KCTD3: variants seen among roughly 807,000 people sequenced by gnomAD.
KCTD3 encodes the protein potassium channel tetramerization domain containing 3.
A neutral mutation model predicts 85.8 loss-of-function variants in KCTD3; 41 were observed. That is an observed-to-expected ratio of 0.48 (90% CI 0.37 to 0.62). KCTD3 has a LOEUF of 0.62. Among genes scored for constraint, KCTD3 ranks in the 20% least tolerant of loss-of-function variants. KCTD3 has a pLI of 0.00. For missense variants in KCTD3, 724 were observed against 989.9 expected, an observed-to-expected ratio of 0.73 and a Z score of 3.60; for synonymous variants, 338 against 345.4, an observed-to-expected ratio of 0.98 and a Z score of 0.24.
chr1:215,580,880 T>C, intron 8 of KCTD3: 1 of 393,288 alleles, frequency 2.5e-6, no homozygotes, highest in South Asian at 1.9e-5. Context: ...TATGAAAGGT[T>C]TGGCATGTCT....
At chr1:215,590,483 T>G (rs570409079) in intron 9 of KCTD3, among the ~76,000 whole-genome samples, 1 of 152,156 alleles carries the variant, frequency 6.6e-6, no homozygotes, top group African/African-American at 2.4e-5. Flanking sequence ...CCTTTTGAGC[T>G]TTCTAGATCA....
intron 4 of KCTD3, among the ~76,000 whole-genome samples, 175 bp downstream of exon 4, chr1:215,576,149 A>G (rs1001940298): frequency 6.6e-6 from 1 of 151,534 alleles, no homozygotes; most frequent in Non-Finnish European, 1.5e-5. Flanking sequence ...GCTCACTGCA[A>G]CCTCCGCCTT....
rs368718120 is a variant in KCTD3 at position 215,581,669 on chromosome 1, C to T, written c.626+1670C>T. On this transcript the variant is annotated intron_variant, in intron 8 of 17. Coordinates refer to ENST00000259154, the MANE Select transcript of KCTD3 (RefSeq NM_016121.5). ...ATGCTATTACATTTTCCAGTCTTTG[C>T]GTTTGCATTGATCACGATCTTTCTG... is the stretch of plus-strand genomic sequence containing the variant. Among the ~76,000 whole-genome samples the T allele has an allele frequency of 1.9e-4, 29 of 152,250 alleles. 1 individual carries two copies. The East Asian group carries it at 1.9e-3, about 10-fold the overall frequency.
intron 3 of KCTD3, among the ~76,000 whole-genome samples, chr1:215,574,840 C>T (rs773178275): frequency 9.9e-5 from 15 of 152,200 alleles, no homozygotes; most frequent in Non-Finnish European, 2.2e-4. Flanking sequence ...AGTTTTATTA[C>T]TGGCTGCCAT....
At chr1:215,602,058 A>C in intron 11 of KCTD3, 27 bp from the exon 12 acceptor site, 1 of 1,444,858 alleles carries the variant, frequency 6.9e-7, no homozygotes, top group South Asian at 1.2e-5. Context: ...ATTTATTTTA[A>C]TGCTGTTTAA....
chr1:215,574,681 G>A (rs1659504373), intron 3 of KCTD3, among the ~76,000 whole-genome samples: 1 of 152,122 alleles, frequency 6.6e-6, no homozygotes, highest in Non-Finnish European at 1.5e-5. Flanking sequence ...ATGTCCATGT[G>A]AAATTATAAA....
Position 215,602,070 on chromosome 1 carries a change from A to G in KCTD3, c.1022-15A>G, listed in dbSNP as rs1418346549. ...GCTATTTATTTTAATGCTGTTTAAA[A>G]TTTTTATGTTTTAGATATGCAGAAG... On this transcript the variant is annotated splice_polypyrimidine_tract_variant and intron_variant, in intron 11 of 17. Transcript: ENST00000259154. 6.6e-7 allele frequency: 1 copy of G among 1,520,622 alleles called. No homozygotes were observed. Among genetic ancestry groups the G allele is most frequent in the African/African-American group, 1.4e-5 (1 of 72,444 alleles). 94.2% of individuals were successfully genotyped at this position (1,520,622 alleles called of 1,614,324 possible).
intron 14 of KCTD3, among the ~76,000 whole-genome samples, chr1:215,611,623 T>G (rs947327852): frequency 6.6e-6 from 1 of 152,002 alleles, no homozygotes; most frequent in African/African-American, 2.4e-5. Context: ...TTAGAAATAA[T>G]TGTGTATTTC....
chr1:215,577,491 C>A (rs945785664), intron 4 of KCTD3, among the ~76,000 whole-genome samples, 179 bp from the exon 5 acceptor site: 1 of 151,858 alleles, frequency 6.6e-6, no homozygotes, highest in Non-Finnish European at 1.5e-5. Flanking sequence ...TGTTCACATG[C>A]AGTTTTTATT....
At chr1:215,577,300 A>G (rs1055169406) in intron 4 of KCTD3, among the ~76,000 whole-genome samples, 2 of 152,138 alleles carry the variant, frequency 1.3e-5, no homozygotes, top group Admixed American at 1.3e-4. Context: ...TATGTATAGA[A>G]ATAATTGCGA....
intron 8 of KCTD3, among the ~76,000 whole-genome samples, chr1:215,582,126 T>A (rs1315610288): frequency 6.6e-6 from 1 of 152,266 alleles, no homozygotes; most frequent in Non-Finnish European, 1.5e-5. Flanking sequence ...GGAGTTTACT[T>A]TTTTGTATGT....
chr1:215,585,534 C>T (rs111808626), intron 8 of KCTD3, among the ~76,000 whole-genome samples: 148 of 152,188 alleles, frequency 9.7e-4, no homozygotes, highest in African/African-American at 3.3e-3. Context: ...TGCAAAAGAA[C>T]GCTTCTTTTC....
At chr1:215,611,641 A>G (rs903727857) in intron 14 of KCTD3, among the ~76,000 whole-genome samples, 184 bp from the exon 15 acceptor site, 6 of 152,020 alleles carry the variant, frequency 3.9e-5, no homozygotes, top group Admixed American at 2.6e-4. Flanking sequence ...TTCTTTAAAA[A>G]TGTTCTAATG....
Position 215,590,435 on chromosome 1 carries a change from T to G in KCTD3, c.817+3750T>G, listed in dbSNP as rs149298621. ...GGAGGCCTGTACCTGTCTCCCTTCCTCTTTTCTCCATCTCTCCCTTGCTCG... is the reference window on the plus strand; with the variant it reads ...GGAGGCCTGTACCTGTCTCCCTTCCGCTTTTCTCCATCTCTCCCTTGCTCG... On this transcript the variant is annotated intron_variant, in intron 9 of 17. Transcript: ENST00000259154. Among the ~76,000 whole-genome samples, 1,373 of 152,292 alleles carry G rather than the reference T, an allele frequency of 9.0e-3. 20 individuals are homozygous for G. Among genetic ancestry groups the G allele is most frequent in the Non-Finnish European group, 0.013 (855 of 68,024 alleles).
At chr1:215,585,168 G>T (rs1244308259) in intron 8 of KCTD3, among the ~76,000 whole-genome samples, 1 of 152,146 alleles carries the variant, frequency 6.6e-6, no homozygotes, top group African/African-American at 2.4e-5. Flanking sequence ...AGTTCATTAA[G>T]AAAGTAAAAG....
intron 10 of KCTD3, among the ~76,000 whole-genome samples, chr1:215,599,875 C>T (rs572423739): frequency 3.3e-5 from 5 of 150,768 alleles, no homozygotes; most frequent in South Asian, 4.2e-4. Flanking sequence ...GCGCTAGGCT[C>T]CTGCTGCTCT....
chr1:215,575,879 A>G, intron 3 of KCTD3, 22 bp from the exon 4 acceptor site: 1 of 1,359,112 alleles, frequency 7.4e-7, no homozygotes. Context: ...ATTTGAAAAT[A>G]AAACTGTTCT....
intron 15 of KCTD3, among the ~76,000 whole-genome samples, chr1:215,614,956 A>C (rs1245998142): frequency 6.6e-6 from 1 of 152,218 alleles, no homozygotes; most frequent in East Asian, 1.9e-4. Context: ...AACTGGTATC[A>C]TAACATTCTC....
intron 3 of KCTD3, among the ~76,000 whole-genome samples, chr1:215,574,380 T>G (rs1393271627): frequency 6.6e-6 from 1 of 152,138 alleles, no homozygotes; most frequent in Non-Finnish European, 1.5e-5. Flanking sequence ...GAAGAAATTT[T>G]TTTAGATCAA....
Sources: gnomAD v4.1 joint callset for allele counts (sites outside exome capture counted in the v4.1 genomes callset) on GRCh38, gnomAD v4.1.1 for gene constraint, MANE v1.5 for transcripts, NCBI Gene and HGNC (gene_info 2026-07-23, HGNC 2026-07-21) for gene names.